Variants in NUTM2G observed in about 807,000 individuals in gnomAD.
NUTM2G encodes the protein family with sequence similarity 22, member G.
A neutral mutation model predicts 44.3 loss-of-function variants in NUTM2G; 29 were observed. That is an observed-to-expected ratio of 0.66 (90% CI 0.49 to 0.89). NUTM2G has a LOEUF of 0.89. NUTM2G is among the 40% of genes least tolerant of loss of function. NUTM2G has a pLI of 0.00. For synonymous variants in NUTM2G, 205 were observed against 395.9 expected (o/e 0.52, Z 5.72); for missense variants, 502 against 946.5 (o/e 0.53, Z 6.16).
chr9:96,936,691 G>T, intron 4 of NUTM2G, 127 bp downstream of exon 4: 1 of 1,455,790 alleles, frequency 6.9e-7, no homozygotes, highest in Non-Finnish European at 9.0e-7. Context: ...ACAGCTTCCG[G>T]GACTGTATGT....
At chr9:96,936,289 G>C (rs1482685775) in intron 3 of NUTM2G, 136 bp from the exon 4 acceptor site, 1 of 1,472,272 alleles carries the variant, frequency 6.8e-7, no homozygotes, top group South Asian at 1.3e-5. Context: ...TCCTGGGACT[G>C]GGGGATGGGT....
At chr9:96,932,494 A>G (rs1826295290) in intron 2 of NUTM2G, 76 bp downstream of exon 2, 3 of 1,170,964 alleles carry the variant, frequency 2.6e-6, no homozygotes. Flanking sequence ...AGGAGGTCAC[A>G]CTGTTCAGGG....
intron 1 of NUTM2G, among the ~76,000 whole-genome samples, chr9:96,930,749 C>G (rs1352254619): frequency 6.7e-6 from 1 of 150,368 alleles, no homozygotes; most frequent in African/African-American, 2.5e-5. Flanking sequence ...TGGCCTGAAT[C>G]TGACCCCTAT....
In NUTM2G at chr9:96,936,557, G is replaced by C. The variant is rs1299596625; in HGVS notation, c.975G>C (p.Lys325Asn). ...GACCCCCTGCCCCTGAGGTGGTCAA[G>C]CAGCCAGGTACAGCTTCCCACATTC... ...PRGPPAPEVV[K>N]QPVYLPSKDG... The change falls in exon 4 of 7, where the codon AAG (lysine) becomes AAC (asparagine). Residue 325 changes from lysine (K) to asparagine (N), a missense_variant. Lys to Asn is a moderately conservative substitution (Grantham distance 94). Coordinates refer to ENST00000372322, the MANE Select transcript of NUTM2G (RefSeq NM_001170741.3). The C allele has an allele frequency of 6.4e-7, 1 of 1,553,336 alleles. No individual in the cohort carries two copies. Among genetic ancestry groups the C allele is most frequent in the South Asian group, 1.2e-5 (1 of 85,526 alleles).
chr9:96,935,291 G>A lies in NUTM2G; in HGVS notation c.714-37G>A, dbSNP rs368696820. The A allele has an allele frequency of 3.7e-6, 6 of 1,611,532 alleles. No individual in the cohort carries two copies. The African/African-American group carries it at 6.7e-5, about 18-fold the overall frequency. ...ACCAGGTGGGCCCGGGATGGAGGGT[G>A]GGCTTACAGACTGGGACTGACTGCA... On this transcript the variant is annotated intron_variant, in intron 2 of 6. Coordinates refer to ENST00000372322, the MANE Select transcript of NUTM2G (RefSeq NM_001170741.3).
At chr9:96,930,781 C>T (rs1416354253) in intron 1 of NUTM2G, among the ~76,000 whole-genome samples, 1 of 148,014 alleles carries the variant, frequency 6.8e-6, no homozygotes, top group Non-Finnish European at 1.5e-5. Context: ...GTGGGTGGTG[C>T]CAGGACAATC....
intron 1 of NUTM2G, among the ~76,000 whole-genome samples, chr9:96,930,896 TTTTTTTTTTTTTTTTTG>T (rs1826223400): frequency 1.2e-5 from 1 of 85,154 alleles, no homozygotes; most frequent in African/African-American, 6.9e-5. Flanking sequence ...TTTTTTTTTT[TTTTTTTTTTTTTTTTTG>T]AGACGGAGTC....
At chr9:96,936,710 G>C (rs1228945401) in intron 4 of NUTM2G, 146 bp downstream of exon 4, 7 of 1,424,022 alleles carry the variant, frequency 4.9e-6, no homozygotes, top group Admixed American at 5.3e-5. Flanking sequence ...GTTGGGTATT[G>C]ACCAGGTCAA....
chr9:96,930,390 G>A (rs183935049), intron 1 of NUTM2G, among the ~76,000 whole-genome samples: 2 of 152,094 alleles, frequency 1.3e-5, no homozygotes, highest in African/African-American at 2.4e-5. Flanking sequence ...TGGGCATGGT[G>A]GCGGGAGCCT....
intron 4 of NUTM2G, 85 bp downstream of exon 4, chr9:96,936,649 C>G: frequency 6.7e-7 from 1 of 1,498,952 alleles, no homozygotes. Flanking sequence ...CCATGCTTCC[C>G]TTCAAGAGGG....
chr9:96,933,712 C>G (rs575308267), intron 2 of NUTM2G: 1 of 152,236 alleles, frequency 6.6e-6, no homozygotes, highest in Admixed American at 6.5e-5. Context: ...TGCCTTCCCT[C>G]GAACTGAGTG....
intron 2 of NUTM2G, among the ~76,000 whole-genome samples, chr9:96,933,359 T>A (rs1211963081): frequency 7.3e-5 from 11 of 151,082 alleles, no homozygotes; most frequent in Admixed American, 4.6e-4. Context: ...AGCCACGGTT[T>A]GGGTTTAGGT....
intron 3 of NUTM2G, 29 bp downstream of exon 3, chr9:96,935,485 C>T (rs754244911): frequency 3.1e-6 from 5 of 1,611,822 alleles, no homozygotes; most frequent in South Asian, 1.1e-5. Context: ...GGGCAGGGCC[C>T]GTGTGGCGGG....
At chr9:96,931,505 G>C (rs1370120034) in intron 1 of NUTM2G, among the ~76,000 whole-genome samples, 1 of 151,526 alleles carries the variant, frequency 6.6e-6, no homozygotes, top group Non-Finnish European at 1.5e-5. Context: ...CTTCTTGGCA[G>C]ACAAGGGTCA....
chr9:96,940,629 G>A (rs1275100560), downstream of NUTM2G, among the ~76,000 whole-genome samples: 1 of 152,016 alleles, frequency 6.6e-6, no homozygotes, highest in Non-Finnish European at 1.5e-5. Flanking sequence ...CGCTGTGACT[G>A]CCAGAGCACT....
downstream of NUTM2G, among the ~76,000 whole-genome samples, chr9:96,941,539 T>TGAG: frequency 6.9e-6 from 1 of 144,980 alleles, no homozygotes; most frequent in South Asian, 2.3e-4. Context: ...TCTCTCTCTC[T>TGAG]CCCTGACATG....
rs142475992 is a variant in NUTM2G, at chr9:96,933,654, G to A, written c.713+1236G>A. The A allele has an allele frequency of 9.2e-3, 1,404 of 152,578 alleles. 49 individuals carry two copies. In the East Asian group the frequency reaches 0.1, roughly 11 times the overall value. 9.5% of individuals were successfully genotyped at this position (152,578 alleles called of 1,614,324 possible). A position where few individuals can be genotyped will look rare whatever the true frequency, so the allele number is the denominator to read the frequency against. The stretch of plus-strand genomic sequence containing the variant: ...CCCAAAGTGCTGGGATTGCAGACGT[G>A]AGCCACCGCACCCACCCTGGGTTTA... On this transcript the variant is annotated intron_variant, in intron 2 of 6. Transcript: ENST00000372322.
At position 96,937,297 on chromosome 9, in the gene NUTM2G, G is replaced by A; in HGVS notation, c.1216G>A (p.Glu406Lys). 1.2e-6 allele frequency: 2 copies of A among 1,613,868 alleles called. No individual in the cohort carries two copies. The highest frequency in any genetic ancestry group is 1.3e-5 in the African/African-American group (1 of 75,022). The part of the protein sequence containing the change: ...GDTGEPEGQR[E>K]KGKVEQPQEE... ...CACAGGGGAGCCTGAGGGACAACGG[G>A]AAAAGGGCAAAGTGGAGCAGCCGCA... Residue 406 changes from glutamate to lysine, a missense_variant, in exon 5 of 7, where the codon GAA becomes AAA. By Grantham distance (56) the Glu-to-Lys change is moderately conservative. Coordinates refer to ENST00000372322, the MANE Select transcript of NUTM2G (RefSeq NM_001170741.3).
chr9:96,934,375 C>A (rs1287065231), intron 2 of NUTM2G, among the ~76,000 whole-genome samples: 1 of 151,888 alleles, frequency 6.6e-6, no homozygotes, highest in Non-Finnish European at 1.5e-5. Context: ...GTCTTCCTCC[C>A]CAACAGTCTC....
Sources: allele counts gnomAD v4.1 joint callset (sites outside exome capture counted in the v4.1 genomes callset), GRCh38; gene constraint gnomAD v4.1.1; transcripts MANE v1.5; gene names NCBI Gene and HGNC (gene_info 2026-07-23, HGNC 2026-07-21).